Variants in CAST observed in about 807,000 individuals in gnomAD.
The protein encoded by CAST is calpastatin.
CAST carries 76 observed loss-of-function variants against 119.6 expected under a neutral mutation model. The ratio of observed to expected loss-of-function variants is 0.64; its 90% CI spans 0.53 to 0.77. The LOEUF is 0.77. Ranked by LOEUF, CAST falls within the 30% of genes least tolerant of loss-of-function variation. The pLI, the probability that CAST is intolerant of heterozygous loss-of-function variation, is 0.00. For missense variants in CAST, 953 were observed against 946.5 expected, an observed-to-expected ratio of 1.01 and a Z score of -0.09; for synonymous variants, 319 against 331.6, an observed-to-expected ratio of 0.96 and a Z score of 0.41.
chr5:96,194,121 G>A, the CAST span, among the ~76,000 whole-genome samples: 3 of 152,120 alleles, frequency 2.0e-5, no homozygotes, highest in African/African-American at 7.2e-5. Context: ...TTTACAGATC[G>A]AGATCTCCCT....
At chr5:96,661,110 C>A (rs1748366783), upstream of CAST, among the ~76,000 whole-genome samples, 1 of 151,796 alleles carries the variant, frequency 6.6e-6, no homozygotes. Flanking sequence ...CATGACAAAT[C>A]TCTCCTTAAA....
chr5:96,265,426 C>T, the CAST span, among the ~76,000 whole-genome samples: 18 of 151,876 alleles, frequency 1.2e-4, no homozygotes, highest in African/African-American at 3.4e-4. Flanking sequence ...TCCAAAAGAC[C>T]GAGAGCCATG....
At chr5:96,269,731 A>G in the CAST span, among the ~76,000 whole-genome samples, 1 of 152,192 alleles carries the variant, frequency 6.6e-6, no homozygotes, top group Non-Finnish European at 1.5e-5. Context: ...CAAATCAATA[A>G]CAAGTATCAA....
At chr5:96,273,018 A>T in the CAST span, among the ~76,000 whole-genome samples, 1 of 152,212 alleles carries the variant, frequency 6.6e-6, no homozygotes, top group Non-Finnish European at 1.5e-5. Flanking sequence ...TGAATAGCTG[A>T]TATAAATCTT....
At chr5:96,051,685 T>A in the CAST span, among the ~76,000 whole-genome samples, 1 of 152,190 alleles carries the variant, frequency 6.6e-6, no homozygotes. Context: ...GTTAGTGTGA[T>A]GGCAGCCAGA....
At chr5:96,176,816 G>T in the CAST span, among the ~76,000 whole-genome samples, 1 of 152,116 alleles carries the variant, frequency 6.6e-6, no homozygotes, top group African/African-American at 2.4e-5. Flanking sequence ...TGGTAGTGAG[G>T]CTGCTACTGC....
At chr5:96,108,273 G>A in the CAST span, among the ~76,000 whole-genome samples, 1 of 152,238 alleles carries the variant, frequency 6.6e-6, no homozygotes, top group African/African-American at 2.4e-5. Flanking sequence ...GTGAGGAACT[G>A]CGTTCCTTTG....
At chr5:96,688,984 T>C (rs763563465) in intron 2 of CAST, among the ~76,000 whole-genome samples, 1 of 149,970 alleles carries the variant, frequency 6.7e-6, no homozygotes, top group Non-Finnish European at 1.5e-5. Context: ...TGTATATGAG[T>C]GTATGTTTTG....
the CAST span, among the ~76,000 whole-genome samples, chr5:96,194,898 G>A: frequency 1.3e-5 from 2 of 152,198 alleles, no homozygotes; most frequent in African/African-American, 2.4e-5. Flanking sequence ...TGGCAGTGGT[G>A]GAGAGGAAAG....
intron 12 of CAST, 62 bp from the exon 13 acceptor site, chr5:96,740,682 AT>A: frequency 8.4e-7 from 1 of 1,196,828 alleles, no homozygotes; most frequent in Non-Finnish European, 1.2e-6. Context: ...CGGGCAATAC[AT>A]TTTGCCGATC....
chr5:96,725,394 CT>C (rs1237682536), intron 4 of CAST, among the ~76,000 whole-genome samples: 4 of 152,192 alleles, frequency 2.6e-5, no homozygotes, highest in African/African-American at 4.8e-5. Context: ...TTGGCCACTA[CT>C]GGGGAGAGAG....
the CAST span, among the ~76,000 whole-genome samples, chr5:96,042,664 T>G: frequency 0.018 from 2,682 of 152,188 alleles, 95 homozygotes; most frequent in African/African-American, 0.06. Context: ...AAAGTTGGAG[T>G]AGCTGTATGA....
intron 1 of CAST, among the ~76,000 whole-genome samples, chr5:96,610,483 A>C (rs947152800): frequency 5.9e-5 from 9 of 152,308 alleles, no homozygotes; most frequent in Admixed American, 5.2e-4. Flanking sequence ...TCATGACAAA[A>C]ATCCTCAAGA....
intron 2 of CAST, among the ~76,000 whole-genome samples, chr5:96,688,799 A>G (rs1752376777): frequency 2.0e-5 from 3 of 152,228 alleles, no homozygotes; most frequent in African/African-American, 7.2e-5. Flanking sequence ...GAAAAAGAAC[A>G]ATAAGCAGCA....
At chr5:96,348,391 A>AGG in the CAST span, among the ~76,000 whole-genome samples, 6 of 144,496 alleles carry the variant, frequency 4.2e-5, no homozygotes. Flanking sequence ...GGAGAGGGAG[A>AGG]GAGAGAGAGA....
At chr5:96,053,554 ATT>A in the CAST span, among the ~76,000 whole-genome samples, 1 of 152,188 alleles carries the variant, frequency 6.6e-6, no homozygotes, top group Non-Finnish European at 1.5e-5. Context: ...TGCTGAGCTA[ATT>A]ATTTATCAGA....
chr5:96,740,531 T>C (rs867085290), intron 12 of CAST, among the ~76,000 whole-genome samples: 1 of 152,164 alleles, frequency 6.6e-6, no homozygotes, highest in Non-Finnish European at 1.5e-5. Flanking sequence ...GCGCATCATA[T>C]TGGAGTAGGG....
the CAST span, among the ~76,000 whole-genome samples, chr5:96,454,090 C>CT: frequency 0.18 from 27,418 of 151,776 alleles, 3,375 homozygotes; most frequent in Non-Finnish European, 0.28. Flanking sequence ...CCAAATATAT[C>CT]TTTTTTTTTC....
At chr5:95,999,581 C>T in the CAST span, among the ~76,000 whole-genome samples, 16 of 152,186 alleles carry the variant, frequency 1.1e-4, no homozygotes, top group East Asian at 7.7e-4. Flanking sequence ...TGATTTCAAG[C>T]GATTCTCCTG....
Sources: allele counts gnomAD v4.1 joint callset (sites outside exome capture counted in the v4.1 genomes callset), GRCh38; gene constraint gnomAD v4.1.1; transcripts MANE v1.5; gene names NCBI Gene and HGNC (gene_info 2026-07-23, HGNC 2026-07-21).